Variants in PDLIM2 observed in about 807,000 individuals in gnomAD.
PDLIM2 encodes PDZ and LIM domain protein 2.
A neutral mutation model predicts 54.1 loss-of-function variants in PDLIM2; 51 were observed. The ratio of observed to expected loss-of-function variants is 0.94; its 90% CI spans 0.75 to 1.19. The LOEUF (loss-of-function observed/expected upper bound fraction) is 1.19. PDLIM2 is among the 50% of genes most tolerant of loss of function. The pLI, the probability that PDLIM2 is intolerant of heterozygous loss-of-function variation, is 0.00. For missense variants in PDLIM2, 912 were observed against 874.0 expected (o/e 1.04, Z -0.55); for synonymous variants, 398 against 385.6 (o/e 1.03, Z -0.38).
exon 4 of PDLIM2, chr8:22,584,853 G>C: frequency 6.2e-7 from 1 of 1,614,168 alleles, no homozygotes; most frequent in Non-Finnish European, 8.5e-7. Context: ...CAGACCAATG[G>C]GGACAGCTCC....
At chr8:22,589,939 C>T in intron 8 of PDLIM2, 198 bp downstream of exon 7, 1 of 652,334 alleles carries the variant, frequency 1.5e-6, no homozygotes, top group Non-Finnish European at 2.6e-6. Flanking sequence ...GGGAGGGTCA[C>T]CAGCGTGCTC....
At position 22,578,986 on chromosome 8, in the gene PDLIM2, T is replaced by C. The variant is rs1241842981; in HGVS notation, c.207T>C (p.His69=). The C allele has an allele frequency of 2.4e-6, 3 of 1,241,312 alleles. No individual in the cohort carries two copies. The East Asian group carries it at 9.5e-5, about 39-fold the overall frequency. 76.9% of individuals were successfully genotyped at this position (1,241,312 alleles called of 1,614,324 possible). The change falls in exon 1 of 10, where the codon CAT becomes CAC. Residue 69 remains histidine (H), a synonymous_variant. Coordinates refer to ENST00000308354, the Ensembl canonical transcript of PDLIM2. ...GGGGCCCTGGGGACAGCCTGCCTCATCCCCCCGGCGGGCTCGGGCCAGGTG... is the reference window on the plus strand; with the variant it reads ...GGGGCCCTGGGGACAGCCTGCCTCACCCCCCCGGCGGGCTCGGGCCAGGTG...
At chr8:22,580,690 T>C in exon 2 of PDLIM2, 1 of 1,613,940 alleles carries the variant, frequency 6.2e-7, no homozygotes, top group Non-Finnish European at 8.5e-7. Flanking sequence ...CCCATCATGG[T>C]GACTAAGGTA....
At chr8:22,585,467 G>A in intron 6 of PDLIM2, 68 bp downstream of exon 5, 1 of 1,477,290 alleles carries the variant, frequency 6.8e-7, no homozygotes, top group Non-Finnish European at 9.2e-7. Flanking sequence ...GGTTGCCAGT[G>A]CCCCGGGACT....
At chr8:22,582,734 A>G (rs1468694342) in intron 3 of PDLIM2, among the ~76,000 whole-genome samples, 1 of 151,432 alleles carries the variant, frequency 6.6e-6, no homozygotes. Flanking sequence ...GGCGCGTGCC[A>G]CCACGCCCAG....
intron 3 of PDLIM2, 52 bp from the exon 3 acceptor site, chr8:22,584,769 G>T (rs1322318455): frequency 6.3e-6 from 10 of 1,579,154 alleles, no homozygotes; most frequent in Non-Finnish European, 7.8e-6. Context: ...TCTTTTGGGG[G>T]TTGCAGGGTG....
chr8:22,587,406 C>G (rs1415289584), intron 6 of PDLIM2, among the ~76,000 whole-genome samples: 1 of 152,120 alleles, frequency 6.6e-6, no homozygotes, highest in Non-Finnish European at 1.5e-5. Context: ...CTTAAAGGCT[C>G]TAAGAGGTCC....
chr8:22,586,690 C>A (rs1031826670), intron 6 of PDLIM2, among the ~76,000 whole-genome samples: 1 of 152,142 alleles, frequency 6.6e-6, no homozygotes, highest in African/African-American at 2.4e-5. Context: ...CTCTGTTCCG[C>A]GACACCTCTG....
intron 3 of PDLIM2, among the ~76,000 whole-genome samples, chr8:22,583,191 G>A (rs767247087): frequency 6.6e-6 from 1 of 152,146 alleles, no homozygotes; most frequent in African/African-American, 2.4e-5. Flanking sequence ...GTTCCACTTT[G>A]GAAGAGGGTA....
At chr8:22,579,782 C>T in intron 1 of PDLIM2, 1 of 417,400 alleles carries the variant, frequency 2.4e-6, no homozygotes, top group Non-Finnish European at 4.2e-6. Flanking sequence ...GCTAGAGGCT[C>T]AGGAAATCCC....
intron 3 of PDLIM2, 95 bp from the exon 3 acceptor site, chr8:22,584,726 T>G: frequency 8.7e-7 from 1 of 1,155,262 alleles, no homozygotes; most frequent in South Asian, 1.3e-5. Flanking sequence ...CTTTTACTGG[T>G]GTTGAGAACT....
exon 1 of PDLIM2, chr8:22,578,996 G>T: frequency 8.1e-7 from 1 of 1,241,960 alleles, no homozygotes; most frequent in Non-Finnish European, 1.0e-6. Context: ...TCCCCCCGGC[G>T]GGCTCGGGCC....
At chr8:22,589,599 G>A (rs1473360611) in exon 8 of PDLIM2, 1 of 1,602,178 alleles carries the variant, frequency 6.2e-7, no homozygotes, top group Non-Finnish European at 8.5e-7. Context: ...CCTGCAGCAT[G>A]GACTCGGAAG....
exon 1 of PDLIM2, chr8:22,578,847 A>G (rs1800106620): frequency 8.1e-7 from 1 of 1,234,492 alleles, no homozygotes; most frequent in East Asian, 3.2e-5. Context: ...TCGTCTGCGA[A>G]GTGGGGCGCG....
At chr8:22,580,439 G>C in intron 1 of PDLIM2, 36 bp from the exon 1 acceptor site, 1 of 1,451,314 alleles carries the variant, frequency 6.9e-7, no homozygotes, top group Non-Finnish European at 9.1e-7. Context: ...CGGGCTGAGG[G>C]AGGGAGTTAG....
intron 3 of PDLIM2, 86 bp from the exon 3 acceptor site, chr8:22,584,735 C>T: frequency 7.6e-7 from 1 of 1,308,582 alleles, no homozygotes; most frequent in Non-Finnish European, 1.1e-6. Context: ...GTGTTGAGAA[C>T]TAGATCTGGG....
chr8:22,593,811 G>T, exon 10 of PDLIM2: 1 of 1,603,524 alleles, frequency 6.2e-7, no homozygotes. Context: ...GGCTGAACCT[G>T]AAGATGCGCG....
exon 2 of PDLIM2, chr8:22,580,678 C>G: frequency 6.2e-7 from 1 of 1,614,052 alleles, no homozygotes; most frequent in Non-Finnish European, 8.5e-7. Flanking sequence ...GATTTCCACA[C>G]GCCCATCATG....
At chr8:22,580,959 C>T (rs956845570) in intron 2 of PDLIM2, 1 of 673,098 alleles carries the variant, frequency 1.5e-6, no homozygotes, top group Non-Finnish European at 2.8e-6. Flanking sequence ...CCCACACTTG[C>T]AGGCAGCCAT....
Sources: gnomAD v4.1 joint callset for allele counts (sites outside exome capture counted in the v4.1 genomes callset) on GRCh38, gnomAD v4.1.1 for gene constraint, MANE v1.5 for transcripts, NCBI Gene and HGNC (gene_info 2026-07-23, HGNC 2026-07-21) for gene names.